Variants in MACO1 observed in about 807,000 individuals in gnomAD.
The protein encoded by MACO1 is macoilin 1, also known as macoilin.
Under a neutral mutation model 78.7 loss-of-function variants are expected in MACO1, and 14 were observed. The ratio of observed to expected loss-of-function variants is 0.18; its 90% CI spans 0.12 to 0.28. MACO1 has a LOEUF of 0.28. MACO1 is among the 10% of genes least tolerant of loss of function. The pLI, the probability that MACO1 is intolerant of heterozygous loss-of-function variation, is 1.00. For missense variants in MACO1, 501 were observed against 799.0 expected (o/e 0.63, Z 4.50); for synonymous variants, 288 against 291.6 (o/e 0.99, Z 0.12).
At chr1:25,444,017 C>A (rs780525057) in intron 1 of MACO1, among the ~76,000 whole-genome samples, 3 of 150,942 alleles carry the variant, frequency 2.0e-5, no homozygotes, top group Non-Finnish European at 4.4e-5. Flanking sequence ...TTTGGGAGGC[C>A]AAGGCGGGCA....
intron 3 of MACO1, among the ~76,000 whole-genome samples, chr1:25,450,865 G>C (rs2043059063): frequency 6.6e-6 from 1 of 152,148 alleles, no homozygotes; most frequent in African/African-American, 2.4e-5. Context: ...GTTATATAAA[G>C]GTGTAGTAAT....
At chr1:25,470,889 G>A (rs1395879549) in intron 6 of MACO1, among the ~76,000 whole-genome samples, 6 of 152,004 alleles carry the variant, frequency 3.9e-5, no homozygotes, top group Admixed American at 2.0e-4. Flanking sequence ...TTAGCTGGGC[G>A]TGGTGGCATG....
chr1:25,493,873 C>T (rs1013334857), intron 10 of MACO1, among the ~76,000 whole-genome samples: 4 of 151,692 alleles, frequency 2.6e-5, no homozygotes, highest in South Asian at 2.1e-4. Context: ...GCTGGGACTA[C>T]GGCGCCCGCC....
At chr1:25,481,997 G>A (rs2043383226) in intron 6 of MACO1, among the ~76,000 whole-genome samples, 1 of 152,148 alleles carries the variant, frequency 6.6e-6, no homozygotes, top group African/African-American at 2.4e-5. Context: ...CCCTATGTCA[G>A]GCAACATTTA....
At chr1:25,445,177 T>C (rs2124574892) in intron 1 of MACO1, among the ~76,000 whole-genome samples, 1 of 149,324 alleles carries the variant, frequency 6.7e-6, no homozygotes, top group South Asian at 2.1e-4. Flanking sequence ...CGCATGCCTA[T>C]ATTACCACCT....
chr1:25,492,879 G>A (rs1437290600), intron 10 of MACO1, among the ~76,000 whole-genome samples: 1 of 152,188 alleles, frequency 6.6e-6, no homozygotes, highest in East Asian at 1.9e-4. Flanking sequence ...TTAGTGGAAA[G>A]AGAAGAATAT....
intron 6 of MACO1, among the ~76,000 whole-genome samples, chr1:25,471,922 GAATTTC>G (rs1338870908): frequency 6.6e-6 from 1 of 152,168 alleles, no homozygotes; most frequent in Non-Finnish European, 1.5e-5. Flanking sequence ...AGAGGTGTAA[GAATTTC>G]TGGAAGTTAC....
At chr1:25,439,317 G>A (rs551998048) in intron 1 of MACO1, among the ~76,000 whole-genome samples, 17 of 151,710 alleles carry the variant, frequency 1.1e-4, no homozygotes, top group African/African-American at 3.4e-4. Flanking sequence ...GATCGCTTGA[G>A]CTCAGGAGTT....
Position 25,436,284 on chromosome 1 carries a change from T to C in MACO1, c.80+5106T>C, listed in dbSNP as rs1004289184. Reference sequence around the variant, plus strand: ...TTCTCCCAGATCTCCCCACTGATACTGTTAACCCTTTGGGGTTTTATGTAT... The same window carrying C: ...TTCTCCCAGATCTCCCCACTGATACCGTTAACCCTTTGGGGTTTTATGTAT... On this transcript the variant is annotated intron_variant, in intron 1 of 10. Coordinates refer to ENST00000374343, the MANE Select transcript of MACO1 (RefSeq NM_018202.6). Among the ~76,000 whole-genome samples, 7 of 146,316 alleles carry C rather than the reference T, an allele frequency of 4.8e-5. No homozygotes were observed. In the South Asian group the frequency reaches 1.1e-3, roughly 22 times the overall value.
chr1:25,465,864 T>A (rs1168930251), intron 6 of MACO1, among the ~76,000 whole-genome samples: 2 of 152,236 alleles, frequency 1.3e-5, no homozygotes, highest in Non-Finnish European at 2.9e-5. Flanking sequence ...ACATGTAATA[T>A]CAGGCTTTTC....
Sources: allele counts gnomAD v4.1 joint callset (sites outside exome capture counted in the v4.1 genomes callset), GRCh38; gene constraint gnomAD v4.1.1; transcripts MANE v1.5; gene names NCBI Gene and HGNC (gene_info 2026-07-23, HGNC 2026-07-21).